Variants in TGM6 observed in about 807,000 individuals in gnomAD.
TGM6 encodes the protein transglutaminase 6.
TGM6 carries 74 observed loss-of-function variants against 77.5 expected under a neutral mutation model. The observed-to-expected ratio is 0.96, with a 90% CI of 0.79 to 1.16. The LOEUF is 1.16. TGM6 is among the 50% of genes most tolerant of loss of function. The pLI is 0.00. For missense variants in TGM6, 968 were observed against 940.2 expected (o/e 1.03, Z -0.39); for synonymous variants, 383 against 378.9 (o/e 1.01, Z -0.12).
intron 10 of TGM6, among the ~76,000 whole-genome samples, chr20:2,421,992 C>T (rs1599967097): frequency 1.3e-5 from 2 of 152,116 alleles, no homozygotes; most frequent in East Asian, 1.9e-4. Context: ...AGTAGCTGGG[C>T]GTGGTGGTGG....
At chr20:2,426,807 A>G (rs2084890748) in intron 10 of TGM6, among the ~76,000 whole-genome samples, 1 of 152,120 alleles carries the variant, frequency 6.6e-6, no homozygotes, top group Non-Finnish European at 1.5e-5. Context: ...GATGGACTAT[A>G]TTAATTGACC....
intron 1 of TGM6, among the ~76,000 whole-genome samples, chr20:2,393,306 C>T (rs1335426846): frequency 6.6e-6 from 1 of 152,148 alleles, no homozygotes; most frequent in Non-Finnish European, 1.5e-5. Context: ...TTTCTCTGTT[C>T]ATTTAAAACT....
chr20:2,422,646 C>T (rs556837027), intron 10 of TGM6, among the ~76,000 whole-genome samples: 3 of 152,018 alleles, frequency 2.0e-5, no homozygotes, highest in East Asian at 1.9e-4. Flanking sequence ...TGCTAACAAT[C>T]GGGGCCAGGC....
At chr20:2,423,387 G>C (rs1160009015) in intron 10 of TGM6, among the ~76,000 whole-genome samples, 5 of 152,040 alleles carry the variant, frequency 3.3e-5, no homozygotes, top group Non-Finnish European at 7.4e-5. Context: ...AAAATCTTTT[G>C]TTGCCATTTC....
rs1235804836 is a variant in TGM6 at position 2,395,401 on chromosome 20, G to A, written c.389G>A (p.Gly130Asp). 1 of 1,614,242 alleles carries A rather than the reference G, an allele frequency of 6.2e-7. No individual in the cohort carries two copies. Among genetic ancestry groups the A allele is most frequent in the South Asian group, 1.1e-5 (1 of 91,086 alleles). The change falls in exon 3 of 13, where the codon GGC (glycine) becomes GAC (aspartate). Residue 130 changes from glycine to aspartate, a missense_variant. By Grantham distance (94) the Gly-to-Asp change is moderately conservative. Transcript: ENST00000202625. ...CGCAAACACAGCAACCGGAGGCTGG[G>A]CGAGTTTGTTCTCCTTTTCAACCCA... ...SHRKHSNRRL[G>D]EFVLLFNPWC...
At position 2,400,310 on chromosome 20, in the gene TGM6, C is replaced by CA. The variant is rs1223688175; in HGVS notation, c.856dup (p.Arg286LysfsTer52). On this transcript the variant is annotated frameshift_variant, in exon 7 of 13. Coordinates refer to ENST00000202625, the MANE Select transcript of TGM6 (RefSeq NM_198994.3). LOFTEE classifies it high-confidence loss of function. ...CCGAGCCTCTCTGCTCTGCAGTCCT[C>CA]AGGTGCTTGGGGATAGCCACACGGG... 1.9e-6 allele frequency: 3 copies of CA among 1,614,194 alleles called. No homozygotes were observed. The highest frequency in any genetic ancestry group is 1.1e-5 in the South Asian group (1 of 91,082).
At chr20:2,392,527 C>T (rs60984418) in intron 1 of TGM6, among the ~76,000 whole-genome samples, 2,935 of 152,296 alleles carry the variant, frequency 0.019, 95 homozygotes, top group African/African-American at 0.065. Context: ...TCTCATGTTA[C>T]GAGGACTCTA....
rs111415879 is a variant in TGM6, at chr20:2,397,992, C to G, written c.618C>G (p.Thr206=). 2.3e-5 allele frequency: 37 copies of G among 1,614,074 alleles called. 1 individual carries two copies. In the East Asian group the frequency reaches 6.9e-4, roughly 30 times the overall value. The change falls in exon 5 of 13, where the codon ACC becomes ACG. Residue 206 remains threonine, a synonymous_variant. Coordinates refer to ENST00000202625, the MANE Select transcript of TGM6 (RefSeq NM_198994.3). ...RSPGHQNNPA[T]DVSCRHNPIY... ...CCGGTCACCAAAACAACCCAGCCAC[C>G]GACGTGTCCTGCCGCCACAACCCCA...
intron 1 of TGM6, among the ~76,000 whole-genome samples, chr20:2,387,714 CA>C (rs2084605247): frequency 1.3e-5 from 2 of 152,202 alleles, no homozygotes; most frequent in African/African-American, 2.4e-5. Context: ...TCCTGTGTAG[CA>C]AACTGCCCCA....
chr20:2,398,700 C>G (rs2084685542), intron 5 of TGM6, among the ~76,000 whole-genome samples: 1 of 152,034 alleles, frequency 6.6e-6, no homozygotes, highest in African/African-American at 2.4e-5. Context: ...CACAGGCCAG[C>G]CCAGACTCAA....
intron 9 of TGM6, among the ~76,000 whole-genome samples, chr20:2,411,510 A>G (rs947204306): frequency 6.6e-5 from 10 of 152,298 alleles, no homozygotes; most frequent in Admixed American, 2.0e-4. Flanking sequence ...CAGTCTGATA[A>G]GTCACCTATA....
At chr20:2,391,057 A>G (rs908390499) in intron 1 of TGM6, among the ~76,000 whole-genome samples, 2 of 130,290 alleles carry the variant, frequency 1.5e-5, no homozygotes, top group Non-Finnish European at 3.4e-5. Flanking sequence ...ACCAATGGAG[A>G]GCTTGAGAAC....
At chr20:2,432,365 GGC>G (rs2084929059) in intron 12 of TGM6, 123 bp from the exon 13 acceptor site, 2 of 1,255,916 alleles carry the variant, frequency 1.6e-6, no homozygotes, top group Non-Finnish European at 2.3e-6. Context: ...ATGTTGATAA[GGC>G]TTGAATGTCA....
At chr20:2,426,907 A>G (rs899447911) in intron 10 of TGM6, among the ~76,000 whole-genome samples, 2 of 152,106 alleles carry the variant, frequency 1.3e-5, no homozygotes, top group Non-Finnish European at 2.9e-5. Context: ...CAATTTACCA[A>G]TATTTTGTGG....
At position 2,417,399 on chromosome 20, in the gene TGM6, C is replaced by T. The variant is rs1189922400; in HGVS notation, c.1504C>T (p.Leu502=). 6 of 1,613,616 alleles carry T rather than the reference C, an allele frequency of 3.7e-6. No individual in the cohort carries two copies. The highest frequency in any genetic ancestry group is 4.2e-6 in the Non-Finnish European group (5 of 1,180,032). The change falls in exon 10 of 13, where the codon CTA becomes TTA. Residue 502 remains leucine, a synonymous_variant. Coordinates refer to ENST00000202625, the MANE Select transcript of TGM6 (RefSeq NM_198994.3). ...KPSIAGKFKV[L]EPPMLGHDLR... ...CAGCATCGCTGGCAAGTTCAAGGTG[C>T]TAGAGCCTCCCATGCTGGGCCACGA...
intron 9 of TGM6, among the ~76,000 whole-genome samples, chr20:2,406,860 A>AC (rs1568662622): frequency 1.5e-5 from 2 of 133,992 alleles, no homozygotes; most frequent in Admixed American, 7.6e-5. Context: ...AAAAAAAAAA[A>AC]AAAAAACCAT....
chr20:2,417,516 A>T lies in TGM6; in HGVS notation c.1621A>T (p.Lys541Ter). Residue 541 changes from lysine (K) to a stop codon, truncating the protein, a stop_gained, in exon 10 of 13, where the codon AAG (lysine) becomes TAG (stop). Coordinates refer to ENST00000202625, the MANE Select transcript of TGM6 (RefSeq NM_198994.3). LOFTEE classifies it high-confidence loss of function. ...CGGTGCCACCATCCTCTATACCCGC[A>T]AGCCAGTGGCAGAGATCCTGCATGA... Reference protein sequence around the residue: ...LSGATILYTRKPVAEILHESH... With the variant: ...LSGATILYTR 6.2e-7 allele frequency: 1 copy of T among 1,607,492 alleles called. No homozygotes were observed. Among genetic ancestry groups the T allele is most frequent in the Non-Finnish European group, 8.5e-7 (1 of 1,179,960 alleles).
intron 10 of TGM6, among the ~76,000 whole-genome samples, chr20:2,420,704 T>G (rs1279087752): frequency 6.6e-6 from 1 of 152,230 alleles, no homozygotes; most frequent in Non-Finnish European, 1.5e-5. Context: ...TCCACACTTT[T>G]GCCTGTTTCA....
At chr20:2,427,527 T>C (rs1248050274) in intron 10 of TGM6, among the ~76,000 whole-genome samples, 1 of 152,196 alleles carries the variant, frequency 6.6e-6, no homozygotes, top group Non-Finnish European at 1.5e-5. Context: ...TGATCTCTGA[T>C]TTTCAATTTT....
Sources: gnomAD v4.1 joint callset for allele counts (sites outside exome capture counted in the v4.1 genomes callset) on GRCh38, gnomAD v4.1.1 for gene constraint, MANE v1.5 for transcripts, NCBI Gene and HGNC (gene_info 2026-07-23, HGNC 2026-07-21) for gene names.